The following APP variants were observed in gnomAD, a reference collection of about 807,000 sequenced individuals.
APP encodes the protein amyloid-beta precursor protein.
In APP, 31 loss-of-function variants were observed where a neutral mutation model predicts 101.4. That is an observed-to-expected ratio of 0.31 (90% CI 0.23 to 0.41). APP has a LOEUF of 0.41. Ranked by LOEUF, APP falls within the 10% of genes least tolerant of loss-of-function variation. The probability of loss-of-function intolerance (pLI) is 1.00; values close to 1 mark genes in which losing one functional copy is unlikely to be tolerated. For missense variants in APP, 839 were observed against 1,003.7 expected (o/e 0.84, Z 2.22); for synonymous variants, 366 against 364.4 (o/e 1.00, Z -0.05).
intron 9 of APP, among the ~76,000 whole-genome samples, chr21:25,979,264 A>T (rs1019028059): frequency 1.3e-5 from 2 of 152,210 alleles, no homozygotes; most frequent in African/African-American, 2.4e-5. Context: ...AACTTAATTT[A>T]AAAAACCGCA....
At chr21:25,915,502 C>T (rs1303536847) in intron 13 of APP, among the ~76,000 whole-genome samples, 2 of 152,220 alleles carry the variant, frequency 1.3e-5, no homozygotes, top group African/African-American at 4.8e-5. Context: ...TTCAGCCTCT[C>T]GTATTATCAC....
chr21:25,949,608 T>C (rs1430905454), intron 13 of APP, among the ~76,000 whole-genome samples: 2 of 152,190 alleles, frequency 1.3e-5, no homozygotes, highest in African/African-American at 2.4e-5. Context: ...CAACCTTATA[T>C]TTATAATTAC....
chr21:25,908,998 T>C (rs1293475629), intron 14 of APP, among the ~76,000 whole-genome samples: 1 of 152,154 alleles, frequency 6.6e-6, no homozygotes, highest in Non-Finnish European at 1.5e-5. Context: ...GCGCCGTGGC[T>C]CATGCCTGTA....
chr21:26,140,127 A>G, intron 1 of APP: 1 of 1,466,918 alleles, frequency 6.8e-7, no homozygotes, highest in Non-Finnish European at 9.2e-7. Context: ...ACTAAAAACA[A>G]TGCCAACTTC....
intron 5 of APP, among the ~76,000 whole-genome samples, chr21:26,038,687 T>TCC (rs2045236203): frequency 6.6e-6 from 1 of 152,022 alleles, no homozygotes; most frequent in Non-Finnish European, 1.5e-5. Flanking sequence ...TTGCTTGAAC[T>TCC]CAGGAGACGG....
chr21:26,156,889 C>T (rs1280517489), intron 1 of APP, among the ~76,000 whole-genome samples: 1 of 152,006 alleles, frequency 6.6e-6, no homozygotes, highest in Non-Finnish European at 1.5e-5. Context: ...AAAATATGAG[C>T]AATATAATAT....
intron 1 of APP, among the ~76,000 whole-genome samples, chr21:26,151,589 A>G (rs1306710040): frequency 6.6e-6 from 1 of 152,158 alleles, no homozygotes; most frequent in African/African-American, 2.4e-5. Flanking sequence ...TTGATGAAAG[A>G]CAATTTTGTG....
intron 15 of APP, among the ~76,000 whole-genome samples, chr21:25,904,087 G>T (rs2038657998): frequency 6.6e-6 from 1 of 152,172 alleles, no homozygotes; most frequent in South Asian, 2.1e-4. Flanking sequence ...CCTGTTCTTT[G>T]ACTATCGCCT....
In APP at chr21:25,886,281, T is replaced by C. The variant is rs539505235; in HGVS notation, c.2212-4510A>G. Among the ~76,000 whole-genome samples the C allele has an allele frequency of 4.4e-4, 67 of 152,338 alleles. 1 individual carries two copies. In the South Asian group the frequency reaches 6.4e-3, roughly 15 times the overall value. ...CTAGTTGTATAGATGCTTGTTTTCC[T>C]AATTTTGATGCCATCTCTCTATAGT... On this transcript the variant is annotated intron_variant, in intron 17 of 17. Transcript: ENST00000346798.
intron 2 of APP, among the ~76,000 whole-genome samples, chr21:26,109,950 G>GT (rs947425086): frequency 9.9e-5 from 15 of 152,044 alleles, no homozygotes; most frequent in Admixed American, 1.3e-4. Context: ...CAAAAAAATG[G>GT]TATCAAAAAC....
chr21:25,885,275 C>T (rs2037249140), intron 17 of APP, among the ~76,000 whole-genome samples: 1 of 152,240 alleles, frequency 6.6e-6, no homozygotes, highest in Non-Finnish European at 1.5e-5. Context: ...CCAGCAGGCT[C>T]ACCAATCTCT....
At chr21:25,906,964 G>A (rs963747258) in intron 14 of APP, among the ~76,000 whole-genome samples, 3 of 152,168 alleles carry the variant, frequency 2.0e-5, no homozygotes, top group Admixed American at 6.5e-5. Context: ...GTAGTCCCAC[G>A]GGCCACTGCT....
Position 25,975,054 on chromosome 21 carries a change from C to A in APP, c.1458+16G>T. The stretch of plus-strand genomic sequence containing the variant: ...GCTGTGACCTGAAGTGTGAACTCGG[C>A]TGCAGCGAGACCTACCCGAGGAGGA... On this transcript the variant is annotated intron_variant, in intron 11 of 17. Transcript: ENST00000346798. 1 of 1,613,748 alleles carries A rather than the reference C, an allele frequency of 6.2e-7. No homozygotes were observed.
At chr21:26,136,192 A>AG (rs1447560323) in intron 1 of APP, among the ~76,000 whole-genome samples, 17 of 82,896 alleles carry the variant, frequency 2.1e-4, no homozygotes, top group African/African-American at 1.8e-3. Flanking sequence ...AAAGAAAGAA[A>AG]GAAAGAAAGA....
chr21:25,949,572 T>C (rs2146466602), intron 13 of APP, among the ~76,000 whole-genome samples: 1 of 152,318 alleles, frequency 6.6e-6, no homozygotes, highest in African/African-American at 2.4e-5. Flanking sequence ...AAGGAGCATC[T>C]GCCTTTTTAT....
At chr21:26,119,685 AAC>A (rs5843212) in intron 1 of APP, among the ~76,000 whole-genome samples, 1,773 of 150,202 alleles carry the variant, frequency 0.012, 14 homozygotes, top group South Asian at 0.033. Context: ...TGCTAGAATG[AAC>A]ACACACACAC....
At chr21:25,912,736 C>A (rs535786505) in intron 13 of APP, among the ~76,000 whole-genome samples, 4 of 152,222 alleles carry the variant, frequency 2.6e-5, no homozygotes, top group Admixed American at 1.3e-4. Context: ...CGCCTACCCC[C>A]CCACTTTAAA....
chr21:25,937,052 G>C (rs1046285701), intron 13 of APP, among the ~76,000 whole-genome samples: 34 of 151,976 alleles, frequency 2.2e-4, no homozygotes, highest in African/African-American at 8.2e-4. Flanking sequence ...GTCAAGTAAA[G>C]AAAAAGCTTT....
At chr21:25,891,957 T>A in intron 16 of APP, 89 bp from the exon 17 acceptor site, 1 of 1,348,282 alleles carries the variant, frequency 7.4e-7, no homozygotes, top group Non-Finnish European at 1.0e-6. Context: ...TTTCATTTCT[T>A]AAATGCAGGG....
Sources: allele counts gnomAD v4.1 joint callset (sites outside exome capture counted in the v4.1 genomes callset), GRCh38; gene constraint gnomAD v4.1.1; transcripts MANE v1.5; gene names NCBI Gene and HGNC (gene_info 2026-07-23, HGNC 2026-07-21).